Variants in CLTC observed in about 807,000 individuals in gnomAD.
The protein encoded by CLTC is clathrin heavy chain 1.
A neutral mutation model predicts 195.8 loss-of-function variants in CLTC; 16 were observed. The observed-to-expected ratio is 0.08, with a 90% CI of 0.06 to 0.12. CLTC has a LOEUF of 0.12. Ranked by LOEUF, CLTC falls within the 10% of genes least tolerant of loss-of-function variation. The pLI is 1.00. For synonymous variants in CLTC, 667 were observed against 689.4 expected, an observed-to-expected ratio of 0.97 and a Z score of 0.51; for missense variants, 796 against 2,027.0, an observed-to-expected ratio of 0.39 and a Z score of 11.66.
intron 8 of CLTC, 66 bp from the exon 9 acceptor site, chr17:59,663,776 A>G (rs1161871310): frequency 7.5e-7 from 1 of 1,328,020 alleles, no homozygotes; most frequent in Non-Finnish European, 1.0e-6. Flanking sequence ...TAGTGGACAT[A>G]GTGTCAACTG....
intron 14 of CLTC, among the ~76,000 whole-genome samples, chr17:59,669,495 G>A (rs2032799457): frequency 6.6e-6 from 1 of 152,208 alleles, no homozygotes; most frequent in Admixed American, 6.5e-5. Flanking sequence ...AGGACCACCT[G>A]TGTTGCAGGG....
At chr17:59,684,543 C>A (rs751420900) in intron 28 of CLTC, 1 of 154,290 alleles carries the variant, frequency 6.5e-6, no homozygotes, top group Non-Finnish European at 1.4e-5. Flanking sequence ...TGGTGACTCA[C>A]GCCTGTAATC....
chr17:59,661,469 C>G lies in CLTC; in HGVS notation c.1194C>G (p.Ile398Met), dbSNP rs2032607921. ...GAATTCTTCGTACTCCAGACACTAT[C>G]CGTCGGTTCCAGAGTGTCCCAGCCC... ...PKGILRTPDT[I>M]RRFQSVPAQP... Residue 398 changes from isoleucine (I) to methionine (M), a missense_variant, in exon 8 of 32, where the codon ATC becomes ATG. Ile to Met is a conservative substitution (Grantham distance 10, BLOSUM62 1). Coordinates refer to ENST00000269122, the MANE Select transcript of CLTC (RefSeq NM_004859.4). 2 of 1,613,832 alleles carry G rather than the reference C, an allele frequency of 1.2e-6. No individual in the cohort carries two copies. Among genetic ancestry groups the G allele is most frequent in the Non-Finnish European group, 1.7e-6 (2 of 1,179,904 alleles).
Position 59,668,901 on chromosome 17 carries a change from C to T in CLTC, c.2253C>T (p.Ser751=), listed in dbSNP as rs1394978445. The part of the protein sequence containing the change: ...IKEVERICRE[S]NCYDPERVKN... ...AAGTAGAAAGAATCTGTAGAGAAAG[C>T]AACTGCTACGATCCTGAGCGAGTCA... The change falls in exon 14 of 32, where the codon AGC becomes AGT. Residue 751 remains serine, a synonymous_variant. Coordinates refer to ENST00000269122, the MANE Select transcript of CLTC (RefSeq NM_004859.4). 1.2e-6 allele frequency: 2 copies of T among 1,612,910 alleles called. No individual in the cohort carries two copies. Among genetic ancestry groups the T allele is most frequent in the Non-Finnish European group, 1.7e-6 (2 of 1,179,634 alleles).
At chr17:59,654,553 T>G (rs964969026) in intron 5 of CLTC, among the ~76,000 whole-genome samples, 2 of 151,888 alleles carry the variant, frequency 1.3e-5, no homozygotes, top group African/African-American at 4.8e-5. Flanking sequence ...CCATCTCGGC[T>G]CACTGCAACC....
At chr17:59,686,686 G>T (rs2033192267) in intron 30 of CLTC, among the ~76,000 whole-genome samples, 2 of 152,226 alleles carry the variant, frequency 1.3e-5, no homozygotes, top group Non-Finnish European at 2.9e-5. Context: ...CTTAGCCATA[G>T]ATGAGAATAG....
At chr17:59,669,935 ATT>A (rs2032810088) in intron 14 of CLTC, among the ~76,000 whole-genome samples, 1 of 152,216 alleles carries the variant, frequency 6.6e-6, no homozygotes, top group Non-Finnish European at 1.5e-5. Flanking sequence ...TGGGCTCTAG[ATT>A]AAATAGCAAA....
chr17:59,676,950 C>G lies in CLTC; in HGVS notation c.2562-4C>G, dbSNP rs903734091. ...TGTGTGAGGTTTTTTTCCTTTTTTC[C>G]TAGATTGAAACTGCTTCTGCCTTGG... On this transcript the variant is annotated splice_polypyrimidine_tract_variant and splice_region_variant and intron_variant, in intron 16 of 31. Coordinates refer to ENST00000269122, the MANE Select transcript of CLTC (RefSeq NM_004859.4). 6.2e-7 allele frequency: 1 copy of G among 1,608,466 alleles called. No individual in the cohort carries two copies. Among genetic ancestry groups the G allele is most frequent in the Non-Finnish European group, 8.5e-7 (1 of 1,177,582 alleles).
At chr17:59,672,766 A>C (rs1431087301) in intron 14 of CLTC, among the ~76,000 whole-genome samples, 1 of 152,172 alleles carries the variant, frequency 6.6e-6, no homozygotes, top group Non-Finnish European at 1.5e-5. Flanking sequence ...TTTAATTCTA[A>C]CCTTGAAAAT....
chr17:59,664,455 G>T (rs1376082724), intron 9 of CLTC, among the ~76,000 whole-genome samples: 2 of 151,606 alleles, frequency 1.3e-5, no homozygotes, highest in African/African-American at 4.9e-5. Context: ...GGAGGCCAAG[G>T]TAGGAGGATC....
chr17:59,660,501 T>C lies in CLTC; in HGVS notation c.1080T>C (p.Ala360=). The change falls in exon 7 of 32, where the codon GCT becomes GCC. Residue 360 remains alanine, a synonymous_variant. Coordinates refer to ENST00000269122, the MANE Select transcript of CLTC (RefSeq NM_004859.4). ...CTGTACGTAATAACTTAGCCGGTGC[T>C]GAAGAACTCTTTGCCCGGAAATTTA... The part of the protein sequence containing the change: ...RMAVRNNLAG[A]EELFARKFNA... 2 of 1,614,178 alleles carry C rather than the reference T, an allele frequency of 1.2e-6. No homozygotes were observed. Among genetic ancestry groups the C allele is most frequent in the South Asian group, 1.1e-5 (1 of 91,088 alleles).
At chr17:59,631,704 C>T (rs1409483425) in intron 1 of CLTC, among the ~76,000 whole-genome samples, 1 of 152,210 alleles carries the variant, frequency 6.6e-6, no homozygotes, top group Non-Finnish European at 1.5e-5. Flanking sequence ...GGTGCAGTGG[C>T]TCACGCCTGT....
chr17:59,690,793 C>A, intron 31 of CLTC, 82 bp downstream of exon 31: 2 of 1,082,970 alleles, frequency 1.8e-6, no homozygotes, highest in Non-Finnish European at 2.7e-6. Flanking sequence ...TAGAATACAA[C>A]AAGCTTCTAA....
Position 59,666,981 on chromosome 17 carries a change from A to T in CLTC, c.2128+4A>T. 1 of 1,606,650 alleles carries T rather than the reference A, an allele frequency of 6.2e-7. No homozygotes were observed. Among genetic ancestry groups the T allele is most frequent in the Non-Finnish European group, 8.5e-7 (1 of 1,175,710 alleles). On this transcript the variant is annotated splice_donor_region_variant and intron_variant, in intron 13 of 31. Transcript: ENST00000269122. This position sits in a 1 kb window ranked among gnomAD's most constrained non-coding sequence, Gnocchi z 4.9. Reference sequence around the variant, plus strand: ...GAATCTTTCAAGAGTTTTGAAGGTAATTAGGAGTTTTTGAGTTTTTAAAAA... The same window carrying T: ...GAATCTTTCAAGAGTTTTGAAGGTATTTAGGAGTTTTTGAGTTTTTAAAAA...
intron 1 of CLTC, among the ~76,000 whole-genome samples, chr17:59,620,458 ACTCT>A (rs200459221): frequency 1.3e-5 from 2 of 151,584 alleles, no homozygotes; most frequent in South Asian, 2.1e-4. Context: ...GCGCGTACAA[ACTCT>A]CTCCCCATTT....
At chr17:59,657,579 C>T (rs2032501771) in intron 6 of CLTC, among the ~76,000 whole-genome samples, 1 of 151,836 alleles carries the variant, frequency 6.6e-6, no homozygotes. Context: ...CCAGCCTGGC[C>T]AACATGGTGA....
In CLTC at chr17:59,685,023, G is replaced by C; in HGVS notation, c.4435-33G>C. The C allele has an allele frequency of 6.8e-7, 1 of 1,474,960 alleles. No homozygotes were observed. The highest frequency in any genetic ancestry group is 1.4e-5 in the South Asian group (1 of 71,098). 91.4% of individuals were successfully genotyped at this position (1,474,960 alleles called of 1,614,324 possible). A position where few individuals can be genotyped will look rare whatever the true frequency, so the allele number is the denominator to read the frequency against. On this transcript the variant is annotated intron_variant, in intron 28 of 31. Transcript: ENST00000269122. The surrounding 1 kb of genome is among the most constrained non-coding windows in gnomAD (Gnocchi z 5.0). Reference sequence around the variant, plus strand: ...GGAATATAATGTTAAACAAAATACTGATCTGGCATTTGGATGGCTTTTTTT... The same window carrying C: ...GGAATATAATGTTAAACAAAATACTCATCTGGCATTTGGATGGCTTTTTTT...
chr17:59,684,079 CAGT>C, intron 28 of CLTC, 94 bp downstream of exon 28: 1 of 750,616 alleles, frequency 1.3e-6, no homozygotes, highest in Admixed American at 2.6e-5. Flanking sequence ...GGATTGTAAA[CAGT>C]AGGTGCTTGC....
Position 59,648,211 on chromosome 17 carries a change from C to A in CLTC, c.520-29C>A. On this transcript the variant is annotated intron_variant, in intron 3 of 31. Transcript: ENST00000269122. The surrounding 1 kb of genome is among the most constrained non-coding windows in gnomAD (Gnocchi z 4.5). Reference sequence around the variant, plus strand: ...TGAGAGTTTTTGATTTATGGGTCTTCAAACGTTATTCTCTTTGATCCTTTA... The same window carrying A: ...TGAGAGTTTTTGATTTATGGGTCTTAAAACGTTATTCTCTTTGATCCTTTA... 1 of 1,576,546 alleles carries A rather than the reference C, an allele frequency of 6.3e-7. No homozygotes were observed. The highest frequency in any genetic ancestry group is 8.6e-7 in the Non-Finnish European group (1 of 1,159,850).
Sources: allele counts gnomAD v4.1 joint callset (sites outside exome capture counted in the v4.1 genomes callset), GRCh38; gene constraint gnomAD v4.1.1; non-coding constraint Gnocchi (gnomAD v3.1); transcripts MANE v1.5; gene names NCBI Gene and HGNC (gene_info 2026-07-23, HGNC 2026-07-21).